PARD3: variants seen among roughly 807,000 people sequenced by gnomAD.
The protein encoded by PARD3 is par-3 family cell polarity regulator, also known as partitioning defective 3 homolog.
Under a neutral mutation model 155.4 loss-of-function variants are expected in PARD3, and 75 were observed. The ratio of observed to expected loss-of-function variants is 0.48; its 90% CI spans 0.40 to 0.58. The LOEUF (loss-of-function observed/expected upper bound fraction) is 0.58, where lower values mean the gene tolerates loss of function less well. Among genes scored for constraint, PARD3 ranks in the 20% least tolerant of loss-of-function variants. The probability of loss-of-function intolerance (pLI) is 0.00; values close to 1 mark genes in which losing one functional copy is unlikely to be tolerated. For missense variants in PARD3, 1,642 were observed against 1,721.7 expected (o/e 0.95, Z 0.82); for synonymous variants, 576 against 610.5 (o/e 0.94, Z 0.83).
intron 23 of PARD3, among the ~76,000 whole-genome samples, chr10:34,127,350 C>A (rs1408111858): frequency 6.6e-6 from 1 of 152,124 alleles, no homozygotes; most frequent in Non-Finnish European, 1.5e-5. Context: ...ATTCCAATTT[C>A]AAAGAGGGGT....
In PARD3 at chr10:34,601,026, G is replaced by A. The variant is rs180712636; in HGVS notation, c.223-83867C>T. On this transcript the variant is annotated intron_variant, in intron 2 of 24. Transcript: ENST00000374788. ...GGTCTCACTATTGTTGCCCAGGCTAGTCTCAAACTCCTGAACTCAAGCAAT... is the reference window on the plus strand; with the variant it reads ...GGTCTCACTATTGTTGCCCAGGCTAATCTCAAACTCCTGAACTCAAGCAAT... Among the ~76,000 whole-genome samples, 413 of 123,116 alleles carry A rather than the reference G, an allele frequency of 3.4e-3. 2 individuals carry two copies. Among genetic ancestry groups the A allele is most frequent in the African/African-American group, 0.012 (363 of 31,350 alleles). 80.8% of individuals were successfully genotyped at this position (123,116 alleles called of 152,430 possible). A position where few individuals can be genotyped will look rare whatever the true frequency, so the allele number is the denominator to read the frequency against.
chr10:34,169,946 G>A (rs911556493), intron 22 of PARD3, among the ~76,000 whole-genome samples: 1 of 152,204 alleles, frequency 6.6e-6, no homozygotes, highest in African/African-American at 2.4e-5. Context: ...ATTGTAACCA[G>A]AGAAGCAAGG....
At chr10:34,399,277 A>AAG in intron 7 of PARD3, 53 bp downstream of exon 7, 1 of 1,087,676 alleles carries the variant, frequency 9.2e-7, no homozygotes. Flanking sequence ...AGCATAAATG[A>AAG]AGATAAAACA....
chr10:34,403,011 G>C (rs1050797238), intron 5 of PARD3, among the ~76,000 whole-genome samples: 6 of 152,140 alleles, frequency 3.9e-5, no homozygotes, highest in African/African-American at 1.4e-4. Flanking sequence ...AGCCAGATTA[G>C]AACAGTTAAG....
At chr10:34,762,969 A>G (rs1837641626) in intron 1 of PARD3, among the ~76,000 whole-genome samples, 1 of 152,220 alleles carries the variant, frequency 6.6e-6, no homozygotes, top group Non-Finnish European at 1.5e-5. Context: ...CACTCCATAC[A>G]CTGAGAATTT....
At chr10:34,734,393 T>C (rs1010202563) in intron 1 of PARD3, among the ~76,000 whole-genome samples, 1 of 125,902 alleles carries the variant, frequency 7.9e-6, no homozygotes, top group Non-Finnish European at 1.6e-5. Context: ...TGGAGTGCAG[T>C]GGCGCGATCT....
chr10:34,637,666 C>G (rs2092530166), intron 2 of PARD3, among the ~76,000 whole-genome samples: 1 of 152,192 alleles, frequency 6.6e-6, no homozygotes, highest in Admixed American at 6.5e-5. Context: ...ACGCTGCCCC[C>G]CAGTGGGCAC....
rs74134137 is a variant in PARD3, at chr10:34,450,200, G to A, written c.714+117C>T. On this transcript the variant is annotated intron_variant, in intron 5 of 24. Transcript: ENST00000374788. ...ACATAGAGATTGGTACTTAACTAAA[G>A]TTTGTTAGAATAATTAACTTTTAAT... The A allele has an allele frequency of 6.1e-3, 5,873 of 969,600 alleles. 52 individuals carry two copies. The highest frequency in any genetic ancestry group is 0.032 in the African/African-American group (1,975 of 61,140). 60.1% of individuals were successfully genotyped at this position (969,600 alleles called of 1,614,324 possible). A position where few individuals can be genotyped will look rare whatever the true frequency, so the allele number is the denominator to read the frequency against.
chr10:34,288,014 C>T (rs1312480056), intron 20 of PARD3, among the ~76,000 whole-genome samples: 1 of 152,072 alleles, frequency 6.6e-6, no homozygotes, highest in Admixed American at 6.5e-5. Flanking sequence ...AGTTCAAGAC[C>T]AGCCTGGTCA....
At chr10:34,637,914 C>G (rs2092540685) in intron 2 of PARD3, among the ~76,000 whole-genome samples, 1 of 152,142 alleles carries the variant, frequency 6.6e-6, no homozygotes, top group African/African-American at 2.4e-5. Flanking sequence ...CATGTTTACA[C>G]AGTACTTAAA....
At chr10:34,445,105 C>T (rs1268583526) in intron 5 of PARD3, among the ~76,000 whole-genome samples, 3 of 151,786 alleles carry the variant, frequency 2.0e-5, no homozygotes, top group Non-Finnish European at 4.4e-5. Flanking sequence ...GTACATGATG[C>T]AATCCTCTTT....
intron 20 of PARD3, among the ~76,000 whole-genome samples, chr10:34,304,628 C>T (rs920893503): frequency 1.3e-5 from 2 of 152,122 alleles, no homozygotes; most frequent in Non-Finnish European, 2.9e-5. Context: ...TTGAGGTTGA[C>T]CATTGTTCAA....
chr10:34,536,402 C>T (rs1278922089), intron 2 of PARD3, among the ~76,000 whole-genome samples: 1 of 152,142 alleles, frequency 6.6e-6, no homozygotes, highest in Non-Finnish European at 1.5e-5. Context: ...AGTAACAGTG[C>T]TAGCAGTACT....
At chr10:34,116,641 T>C (rs760399905) in intron 24 of PARD3, among the ~76,000 whole-genome samples, 2 of 152,206 alleles carry the variant, frequency 1.3e-5, no homozygotes, top group Non-Finnish European at 2.9e-5. Flanking sequence ...CATTGATAAA[T>C]TGTTCTCTAA....
intron 4 of PARD3, among the ~76,000 whole-genome samples, chr10:34,459,795 A>G (rs2077533221): frequency 6.6e-6 from 1 of 152,180 alleles, no homozygotes; most frequent in East Asian, 1.9e-4. Flanking sequence ...TTTAAATCAC[A>G]TATAACTAGT....
intron 4 of PARD3, among the ~76,000 whole-genome samples, chr10:34,463,302 A>G (rs1410103317): frequency 6.4e-4 from 61 of 95,084 alleles, no homozygotes; most frequent in Admixed American, 1.2e-3. Context: ...AAGAAAGGGG[A>G]GGGGAAAGGG....
chr10:34,363,906 G>A (rs899593957), intron 12 of PARD3, among the ~76,000 whole-genome samples: 1 of 152,092 alleles, frequency 6.6e-6, no homozygotes, highest in Non-Finnish European at 1.5e-5. Context: ...GAATAAAAGG[G>A]CACCTTTGCT....
At chr10:34,659,911 C>T (rs1385329530) in intron 2 of PARD3, among the ~76,000 whole-genome samples, 7 of 152,178 alleles carry the variant, frequency 4.6e-5, no homozygotes. Context: ...ATTTTCTTCC[C>T]TAGAAATAAT....
At chr10:34,510,317 T>C (rs2081330626) in intron 3 of PARD3, among the ~76,000 whole-genome samples, 1 of 152,200 alleles carries the variant, frequency 6.6e-6, no homozygotes, top group Admixed American at 6.5e-5. Context: ...CTCCTCAGCC[T>C]GCCTGGGAGC....
Sources: allele counts gnomAD v4.1 joint callset (sites outside exome capture counted in the v4.1 genomes callset), GRCh38; gene constraint gnomAD v4.1.1; transcripts MANE v1.5; gene names NCBI Gene and HGNC (gene_info 2026-07-23, HGNC 2026-07-21).